The following ZBTB44 variants were observed in gnomAD, a reference collection of about 807,000 sequenced individuals.
The protein encoded by ZBTB44 is zinc finger and BTB domain containing 44, also known as zinc finger and BTB domain-containing protein 44.
Under a neutral mutation model 54.0 loss-of-function variants are expected in ZBTB44, and 15 were observed. The ratio of observed to expected loss-of-function variants is 0.28; its 90% CI spans 0.19 to 0.43. ZBTB44 has a LOEUF of 0.43. Ranked by LOEUF, ZBTB44 falls within the 20% of genes least tolerant of loss-of-function variation. The probability of loss-of-function intolerance (pLI) is 1.00; values close to 1 mark genes in which losing one functional copy is unlikely to be tolerated. For synonymous variants in ZBTB44, 230 were observed against 250.1 expected, an observed-to-expected ratio of 0.92 and a Z score of 0.76; for missense variants, 487 against 707.1, an observed-to-expected ratio of 0.69 and a Z score of 3.53.
chr11:130,243,132 G>C (rs887156917), intron 2 of ZBTB44, among the ~76,000 whole-genome samples: 1 of 152,108 alleles, frequency 6.6e-6, no homozygotes, highest in Non-Finnish European at 1.5e-5. Flanking sequence ...TATTGTTCAT[G>C]TTTATTTTGT....
intron 1 of ZBTB44, among the ~76,000 whole-genome samples, chr11:130,282,536 T>C (rs930251112): frequency 6.6e-6 from 1 of 152,258 alleles, no homozygotes; most frequent in East Asian, 1.9e-4. Flanking sequence ...TGCTGGACAC[T>C]TGAGTCTTTT....
intron 2 of ZBTB44, among the ~76,000 whole-genome samples, chr11:130,260,089 C>G (rs1389825953): frequency 1.3e-5 from 2 of 152,118 alleles, no homozygotes; most frequent in East Asian, 1.9e-4. Flanking sequence ...ATTCCATCAC[C>G]TGCACTTAAA....
chr11:130,243,866 CA>C lies in ZBTB44; in HGVS notation c.1019-3971del, dbSNP rs557382477. Among the ~76,000 whole-genome samples, 432 of 152,050 alleles carry C rather than the reference CA, an allele frequency of 2.8e-3. 1 individual carries two copies. The highest frequency in any genetic ancestry group is 4.4e-3 in the Non-Finnish European group (298 of 67,990). On this transcript the variant is annotated intron_variant, in intron 2 of 7. Transcript: ENST00000357899. The stretch of plus-strand genomic sequence containing the variant: ...TATTGCAGGATTTTTAAATTATTAC[CA>C]ATCAGGAACGTGTTACAATACACAC...
In ZBTB44 at chr11:130,238,599, T is replaced by C; in HGVS notation, c.1112A>G (p.Asn371Ser). 1.2e-6 allele frequency: 2 copies of C among 1,609,976 alleles called. No individual in the cohort carries two copies. Among genetic ancestry groups the C allele is most frequent in the Non-Finnish European group, 1.7e-6 (2 of 1,178,552 alleles). The change falls in exon 4 of 8, where the codon AAT becomes AGT. Residue 371 changes from asparagine (N) to serine (S), a missense_variant. Asn to Ser is a conservative substitution (Grantham distance 46, BLOSUM62 1). Around this residue, in one of 3 missense-constraint regions of ZBTB44, gnomAD observed 277 missense variants for 306.5 expected, o/e 0.90. Transcript: ENST00000357899. The part of the protein sequence containing the change: ...APPDDDDRLE[N>S]VQYPYQLYIA... ...GTAGAGTTGGTAGGGATACTGAACA[T>C]TTTCCAATCTAAAAAAAACAGACCA...
intron 1 of ZBTB44, among the ~76,000 whole-genome samples, chr11:130,291,894 G>A (rs536000771): frequency 6.6e-6 from 1 of 152,114 alleles, no homozygotes; most frequent in Non-Finnish European, 1.5e-5. Context: ...ATCAAGATAA[G>A]GAATACTGCC....
chr11:130,312,883 G>A (rs1942702102), intron 1 of ZBTB44, among the ~76,000 whole-genome samples: 1 of 152,130 alleles, frequency 6.6e-6, no homozygotes, highest in African/African-American at 2.4e-5. Context: ...GGAAACACAT[G>A]CCGAAATATT....
At chr11:130,251,579 G>A (rs1453377746) in intron 2 of ZBTB44, among the ~76,000 whole-genome samples, 3 of 152,200 alleles carry the variant, frequency 2.0e-5, no homozygotes, top group Non-Finnish European at 4.4e-5. Flanking sequence ...GAAGCCATCA[G>A]ACTAACAGCG....
intron 1 of ZBTB44, chr11:130,296,152 C>G (rs192854448): frequency 1.4e-6 from 2 of 1,445,944 alleles, no homozygotes; most frequent in Non-Finnish European, 1.9e-6. Context: ...CACCCAAACT[C>G]GAAAAGTTTT....
chr11:130,234,255 G>A lies in ZBTB44; in HGVS notation c.1587C>T (p.Asp529=), dbSNP rs1954009579. 1 of 1,532,292 alleles carries A rather than the reference G, an allele frequency of 6.5e-7. No individual in the cohort carries two copies. Among genetic ancestry groups the A allele is most frequent in the Non-Finnish European group, 8.8e-7 (1 of 1,138,522 alleles). 94.9% of individuals were successfully genotyped at this position (1,532,292 alleles called of 1,614,324 possible). A position where few individuals can be genotyped will look rare whatever the true frequency, so the allele number is the denominator to read the frequency against. ...YFQSSDFLVP[D]YLNQEQEETL... ...TCTCTTCTTGTTCCTGGTTTAAGTA[G>A]TCCGGTACTAGGAAATCACTAGATA... Residue 529 remains aspartate, a synonymous_variant, in exon 6 of 8, where the codon GAC becomes GAT. Transcript: ENST00000357899.
intron 1 of ZBTB44, among the ~76,000 whole-genome samples, chr11:130,282,063 A>T (rs1393810992): frequency 1.3e-5 from 2 of 152,214 alleles, no homozygotes; most frequent in African/African-American, 4.8e-5. Context: ...AAAATGAAAC[A>T]TAACACCCTA....
Position 130,236,034 on chromosome 11 carries a change from T to C in ZBTB44, c.1568+759A>G. On this transcript the variant is annotated intron_variant, in intron 5 of 7. Transcript: ENST00000357899. ...GAGAAACTAAGGATTCCTACAGAAG[T>C]ACAATTCTTATAAACAATTTAAAAC... The C allele has an allele frequency of 3.8e-6, 4 of 1,050,098 alleles. No individual in the cohort carries two copies. The South Asian group carries it at 9.0e-5, about 24-fold the overall frequency. 65.0% of individuals were successfully genotyped at this position (1,050,098 alleles called of 1,614,324 possible).
rs1036016252 is a variant in ZBTB44 at position 130,227,315 on chromosome 11, G to C, written c.*4449C>G. ...AGTGTCACCAAGTAAAGCCATACTTGAATGAGATGACGACTGGATACAAAG... is the reference window on the plus strand; with the variant it reads ...AGTGTCACCAAGTAAAGCCATACTTCAATGAGATGACGACTGGATACAAAG... On this transcript the variant is annotated 3_prime_UTR_variant, in exon 8 of 8. Transcript: ENST00000357899. 1.3e-5 allele frequency: 2 copies of C among 152,188 alleles called. No individual in the cohort carries two copies. The highest frequency in any genetic ancestry group is 2.9e-5 in the Non-Finnish European group (2 of 68,026). The allele number at this position is 152,188 out of a possible 1,614,324, so 9.4% of individuals were successfully genotyped here. A position where few individuals can be genotyped will look rare whatever the true frequency, so the allele number is the denominator to read the frequency against.
chr11:130,282,862 G>T (rs1238575314), intron 1 of ZBTB44, among the ~76,000 whole-genome samples: 1 of 152,048 alleles, frequency 6.6e-6, no homozygotes, highest in African/African-American at 2.4e-5. Flanking sequence ...GTTTAAATTA[G>T]AGATGGGGTC....
At chr11:130,242,542 T>TTATA (rs10637750) in intron 2 of ZBTB44, among the ~76,000 whole-genome samples, 94,727 of 151,554 alleles carry the variant, frequency 0.63, 31,124 homozygotes, top group Admixed American at 0.73. Flanking sequence ...GAAAACATAT[T>TTATA]TATTTTCAAA....
At chr11:130,290,446 T>C (rs1941235344) in intron 1 of ZBTB44, among the ~76,000 whole-genome samples, 1 of 152,204 alleles carries the variant, frequency 6.6e-6, no homozygotes, top group African/African-American at 2.4e-5. Context: ...CTCTTCCCCT[T>C]TTCCTCCTAA....
intron 1 of ZBTB44, among the ~76,000 whole-genome samples, chr11:130,275,031 T>C (rs1939956229): frequency 6.6e-6 from 1 of 152,256 alleles, no homozygotes; most frequent in Admixed American, 6.5e-5. Flanking sequence ...ATCTCATTAC[T>C]TGATATAGAT....
chr11:130,302,659 C>T (rs1283392357), intron 1 of ZBTB44, among the ~76,000 whole-genome samples: 2 of 152,168 alleles, frequency 1.3e-5, no homozygotes, highest in South Asian at 2.1e-4. Context: ...ATACACACAA[C>T]AGTAACCACC....
intron 2 of ZBTB44, among the ~76,000 whole-genome samples, chr11:130,257,078 G>T (rs1276855576): frequency 2.0e-5 from 3 of 151,708 alleles, no homozygotes; most frequent in African/African-American, 7.3e-5. Flanking sequence ...CAAAGTCTCG[G>T]GATACAAAAT....
At chr11:130,233,064 A>T in intron 7 of ZBTB44, 1 of 428,202 alleles carries the variant, frequency 2.3e-6, no homozygotes, top group Non-Finnish European at 4.1e-6. Context: ...ATTATGTCCA[A>T]AAGAGCACAA....
Sources: gnomAD v4.1 joint callset for allele counts (sites outside exome capture counted in the v4.1 genomes callset) on GRCh38, gnomAD v4.1.1 for gene constraint, gnomAD v4.1.1 regional missense constraint, MANE v1.5 for transcripts, NCBI Gene and HGNC (gene_info 2026-07-23, HGNC 2026-07-21) for gene names.